The following GRIK3 variants were observed in gnomAD, a reference collection of about 807,000 sequenced individuals.
GRIK3 encodes the protein glutamate ionotropic receptor kainate type subunit 3, also known as glutamate receptor ionotropic, kainate 3.
GRIK3 carries 29 observed loss-of-function variants against 102.5 expected under a neutral mutation model. The observed-to-expected ratio is 0.28, with a 90% CI of 0.21 to 0.39. GRIK3 has a LOEUF of 0.39. Among genes scored for constraint, GRIK3 ranks in the 10% least tolerant of loss-of-function variants. The pLI is 1.00. For missense variants in GRIK3, 908 were observed against 1,252.4 expected (o/e 0.73, Z 4.15); for synonymous variants, 511 against 504.9 (o/e 1.01, Z -0.16).
At chr1:36,925,526 C>T (rs553631370) in intron 1 of GRIK3, among the ~76,000 whole-genome samples, 72 of 152,356 alleles carry the variant, frequency 4.7e-4, no homozygotes, top group African/African-American at 7.9e-4. Context: ...CAGATGGTGG[C>T]GGTAAGCCCC....
At chr1:36,958,252 A>G (rs955069450) in intron 1 of GRIK3, among the ~76,000 whole-genome samples, 12 of 44,580 alleles carry the variant, frequency 2.7e-4, no homozygotes, top group East Asian at 8.4e-4. Context: ...TGTGTGTCCC[A>G]TGACTCTGTG....
At chr1:36,822,892 A>G (rs768637443) in intron 11 of GRIK3, among the ~76,000 whole-genome samples, 7 of 152,172 alleles carry the variant, frequency 4.6e-5, no homozygotes, top group Non-Finnish European at 1.0e-4. Flanking sequence ...CTCACCAGGC[A>G]TGAAGCAGAA....
intron 9 of GRIK3, among the ~76,000 whole-genome samples, chr1:36,847,327 T>G (rs977819551): frequency 6.6e-6 from 1 of 152,142 alleles, no homozygotes; most frequent in African/African-American, 2.4e-5. Context: ...AGCAGCCCAG[T>G]GTAAACAAAT....
At position 36,942,255 on chromosome 1, in the gene GRIK3, C is replaced by A. The variant is rs142826083; in HGVS notation, c.116-51159G>T. ...GGTGATGATGCTGGCGCTGCCACCGCGGGGTGACTCACATGAGTCCTGTGG... is the reference window on the plus strand; with the variant it reads ...GGTGATGATGCTGGCGCTGCCACCGAGGGGTGACTCACATGAGTCCTGTGG... On this transcript the variant is annotated intron_variant, in intron 1 of 15. Coordinates refer to ENST00000373091, the MANE Select transcript of GRIK3 (RefSeq NM_000831.4). 1.4e-4 allele frequency among the ~76,000 whole-genome samples: 22 copies of A among 152,310 alleles called. 2 individuals carry two copies. Among genetic ancestry groups the A allele is most frequent in the African/African-American group, 5.1e-4 (21 of 41,580 alleles).
rs60750637 is a variant in GRIK3 at position 37,010,727 on chromosome 1, CT to C, written c.115+23266del. ...GGTGTCAGTTTTCTCACCTGTACCA[CT>C]TTTTTTTTTTTTTTTTTTTTTTTTG... On this transcript the variant is annotated intron_variant, in intron 1 of 15. Transcript: ENST00000373091. Among the ~76,000 whole-genome samples, 423 of 102,496 alleles carry C rather than the reference CT, an allele frequency of 4.1e-3. 1 individual carries two copies. The highest frequency in any genetic ancestry group is 8.0e-3 in the African/African-American group (188 of 23,636). 67.2% of individuals were successfully genotyped at this position (102,496 alleles called of 152,430 possible).
chr1:36,848,976 C>T (rs1338182330), intron 9 of GRIK3, among the ~76,000 whole-genome samples: 1 of 152,212 alleles, frequency 6.6e-6, no homozygotes, highest in East Asian at 1.9e-4. Flanking sequence ...ACCACCTCTT[C>T]AGGCTCTGTG....
At chr1:36,826,318 T>G (rs1642754348) in intron 10 of GRIK3, among the ~76,000 whole-genome samples, 1 of 152,214 alleles carries the variant, frequency 6.6e-6, no homozygotes, top group East Asian at 1.9e-4. Context: ...ATTTTCTATA[T>G]ATCCTAAAAG....
chr1:36,848,473 T>C (rs534270928), intron 9 of GRIK3, among the ~76,000 whole-genome samples: 1 of 152,316 alleles, frequency 6.6e-6, no homozygotes, highest in African/African-American at 2.4e-5. Context: ...TTTTATATTT[T>C]AGCTTTGTCA....
intron 1 of GRIK3, among the ~76,000 whole-genome samples, chr1:36,937,018 G>A (rs192489757): frequency 2.5e-3 from 386 of 152,338 alleles, no homozygotes; most frequent in African/African-American, 8.2e-3. Flanking sequence ...TGGACACGCA[G>A]TGGAGGATAT....
chr1:37,016,571 T>C (rs1226857195), intron 1 of GRIK3, among the ~76,000 whole-genome samples: 1 of 152,088 alleles, frequency 6.6e-6, no homozygotes, highest in African/African-American at 2.4e-5. Flanking sequence ...AAATTGGCCC[T>C]CCTAGTCTGT....
At chr1:36,886,448 A>G (rs1641038107) in intron 2 of GRIK3, among the ~76,000 whole-genome samples, 1 of 152,230 alleles carries the variant, frequency 6.6e-6, no homozygotes, top group African/African-American at 2.4e-5. Flanking sequence ...TTAAAAAACC[A>G]AAGATGAGAA....
At chr1:36,948,930 C>T (rs771870198) in intron 1 of GRIK3, among the ~76,000 whole-genome samples, 44 of 152,320 alleles carry the variant, frequency 2.9e-4, no homozygotes, top group African/African-American at 8.9e-4. Flanking sequence ...AGCTAGAAGA[C>T]GCTCAGGGAC....
chr1:36,890,411 C>A (rs1200001522), intron 2 of GRIK3, among the ~76,000 whole-genome samples: 1 of 151,462 alleles, frequency 6.6e-6, no homozygotes, highest in Non-Finnish European at 1.5e-5. Context: ...GTGCAGTGAG[C>A]AGAGATCGCA....
chr1:36,823,472 CAAAAAAAAAAAAA>C (rs71053954), intron 11 of GRIK3, among the ~76,000 whole-genome samples: 1 of 38,092 alleles, frequency 2.6e-5, no homozygotes, highest in East Asian at 1.2e-3. Flanking sequence ...GACTCCGTCT[CAAAAAAAAAAAAA>C]AAAAAAAAAA....
At chr1:36,860,114 C>T (rs1213248290) in intron 5 of GRIK3, 97 bp from the exon 6 acceptor site, 1 of 941,856 alleles carries the variant, frequency 1.1e-6, no homozygotes, top group East Asian at 2.5e-5. Flanking sequence ...CGCCCCAGGG[C>T]CTGAGGTCGC....
Position 36,869,701 on chromosome 1 carries a change from A to G in GRIK3, c.786+47T>C, listed in dbSNP as rs373730101. 16 of 1,381,016 alleles carry G rather than the reference A, an allele frequency of 1.2e-5. No individual in the cohort carries two copies. The African/African-American group carries it at 2.0e-4, about 17-fold the overall frequency. 85.5% of individuals were successfully genotyped at this position (1,381,016 alleles called of 1,614,324 possible). On this transcript the variant is annotated intron_variant, in intron 5 of 15. Transcript: ENST00000373091. ...GGCTAAGCCACAATGAACTTGATCC[A>G]TGAGAGTCCCACCCCTTTCCCGTGC...
chr1:36,942,704 G>C (rs887778145), intron 1 of GRIK3, among the ~76,000 whole-genome samples: 1 of 151,376 alleles, frequency 6.6e-6, no homozygotes, highest in South Asian at 2.1e-4. Flanking sequence ...GGGAAGTCAG[G>C]GGCCAAAACC....
rs1254025363 is a variant in GRIK3 at position 36,800,247 on chromosome 1, C to T, written c.*1604G>A. ...GGTGGGAGGGGAGTGGCTGGTATGC[C>T]CCAGTTCTCATCCAGAATCCCCAGA... On this transcript the variant is annotated 3_prime_UTR_variant, in exon 16 of 16. Transcript: ENST00000373091. The T allele has an allele frequency of 3.3e-5, 5 of 152,160 alleles. No individual in the cohort carries two copies. Among genetic ancestry groups the T allele is most frequent in the African/African-American group, 9.7e-5 (4 of 41,402 alleles). 9.4% of individuals were successfully genotyped at this position (152,160 alleles called of 1,614,324 possible).
intron 1 of GRIK3, among the ~76,000 whole-genome samples, chr1:36,991,345 C>T (rs758134836): frequency 6.6e-5 from 10 of 152,158 alleles, no homozygotes; most frequent in Non-Finnish European, 1.2e-4. Context: ...CCTAAAGGGG[C>T]CACAGACACC....
Sources: allele counts gnomAD v4.1 joint callset (sites outside exome capture counted in the v4.1 genomes callset), GRCh38; gene constraint gnomAD v4.1.1; transcripts MANE v1.5; gene names NCBI Gene and HGNC (gene_info 2026-07-23, HGNC 2026-07-21).